The following ADGRL2 variants were observed in gnomAD, a reference collection of about 807,000 sequenced individuals.
The protein encoded by ADGRL2 is adhesion G protein-coupled receptor L2, also known as calcium-independent alpha-latrotoxin receptor 2.
In ADGRL2, 44 loss-of-function variants were observed where a neutral mutation model predicts 157.4. The observed-to-expected ratio is 0.28, with a 90% confidence interval of 0.22 to 0.36. ADGRL2 has a LOEUF of 0.36. Ranked by LOEUF, ADGRL2 falls within the 10% of genes least tolerant of loss-of-function variation. The pLI is 1.00. For synonymous variants in ADGRL2, 585 were observed against 624.7 expected, an observed-to-expected ratio of 0.94 and a Z score of 0.95; for missense variants, 1,510 against 1,768.9, an observed-to-expected ratio of 0.85 and a Z score of 2.63.
At chr1:81,787,476 G>T (rs9726327) in intron 2 of ADGRL2, among the ~76,000 whole-genome samples, 5,655 of 151,952 alleles carry the variant, frequency 0.037, 361 homozygotes, top group African/African-American at 0.13. Context: ...ACAGCATGGT[G>T]AAACCCTATC....
At chr1:81,634,571 G>A (rs2082079975) in intron 3 of ADGRL2, among the ~76,000 whole-genome samples, 1 of 148,080 alleles carries the variant, frequency 6.8e-6, no homozygotes, top group East Asian at 2.0e-4. Flanking sequence ...GTCTCGCTCT[G>A]TCACCCAGGC....
chr1:81,429,574 C>T (rs1164176159), intron 1 of ADGRL2, among the ~76,000 whole-genome samples: 2 of 152,224 alleles, frequency 1.3e-5, no homozygotes, highest in Non-Finnish European at 2.9e-5. Flanking sequence ...AAAGAATGCT[C>T]AAACCAAATG....
chr1:81,366,295 G>GA (rs35283896), intron 1 of ADGRL2, among the ~76,000 whole-genome samples: 64 of 147,066 alleles, frequency 4.4e-4, no homozygotes, highest in African/African-American at 8.6e-4. Flanking sequence ...TTTGGCTCCA[G>GA]AAAAAAAAAA....
At chr1:81,718,303 C>A (rs57498461) in intron 1 of ADGRL2, among the ~76,000 whole-genome samples, 15,991 of 152,188 alleles carry the variant, frequency 0.11, 963 homozygotes, top group African/African-American at 0.15. Context: ...CAGGCGTGAG[C>A]CACCGCATTT....
chr1:81,455,227 T>G (rs1427033276), intron 2 of ADGRL2, among the ~76,000 whole-genome samples: 1 of 152,204 alleles, frequency 6.6e-6, no homozygotes, highest in Non-Finnish European at 1.5e-5. Flanking sequence ...AAGCACAAAT[T>G]GGTATAACCT....
chr1:81,529,210 A>G (rs1268983864), intron 2 of ADGRL2, among the ~76,000 whole-genome samples: 1 of 152,196 alleles, frequency 6.6e-6, no homozygotes, highest in Admixed American at 6.6e-5. Flanking sequence ...TGACCCCACA[A>G]GGGGAGGTGC....
chr1:81,678,583 G>C (rs2083043629), intron 3 of ADGRL2, among the ~76,000 whole-genome samples: 1 of 152,196 alleles, frequency 6.6e-6, no homozygotes, highest in Non-Finnish European at 1.5e-5. Context: ...ACACATTTCA[G>C]ATTGTCCATT....
Position 81,675,570 on chromosome 1 carries a change from C to T in ADGRL2, c.-142-86241C>T, listed in dbSNP as rs570975795. On this transcript the variant is annotated intron_variant, in intron 3 of 24. Transcript: ENST00000370721. ...TTTGTCCAGGCATTGGAAAAATAAA[C>T]TGTTTTTTTTTTTTTTTCTTATTTT... Among the ~76,000 whole-genome samples, 94 of 119,724 alleles carry T rather than the reference C, an allele frequency of 7.9e-4. No individual in the cohort carries two copies. The East Asian group carries it at 0.018, about 23-fold the overall frequency. 78.5% of individuals were successfully genotyped at this position (119,724 alleles called of 152,430 possible).
intron 1 of ADGRL2, among the ~76,000 whole-genome samples, chr1:81,416,386 C>T (rs960245893): frequency 2.0e-5 from 3 of 151,738 alleles, no homozygotes; most frequent in Non-Finnish European, 4.4e-5. Flanking sequence ...ATCTCTACCT[C>T]TTACATTAAC....
intron 2 of ADGRL2, among the ~76,000 whole-genome samples, chr1:81,570,503 C>T (rs1484263751): frequency 6.6e-6 from 1 of 152,096 alleles, no homozygotes; most frequent in Non-Finnish European, 1.5e-5. Flanking sequence ...ATTCTTGTGC[C>T]TCAGCCTCCC....
At chr1:81,384,756 A>G (rs2101072599) in intron 1 of ADGRL2, among the ~76,000 whole-genome samples, 1 of 152,272 alleles carries the variant, frequency 6.6e-6, no homozygotes, top group South Asian at 2.1e-4. Context: ...CGTATCCACA[A>G]TTACTAATAT....
At chr1:81,433,801 C>T (rs2077363779) in intron 1 of ADGRL2, among the ~76,000 whole-genome samples, 1 of 152,190 alleles carries the variant, frequency 6.6e-6, no homozygotes, top group Admixed American at 6.5e-5. Context: ...GGGTTGTCCT[C>T]ACTCAGGGTT....
chr1:81,400,703 C>A (rs2076737587), intron 1 of ADGRL2, among the ~76,000 whole-genome samples: 1 of 152,074 alleles, frequency 6.6e-6, no homozygotes, highest in Admixed American at 6.5e-5. Context: ...GCAAGTACCC[C>A]AGAATGGCTG....
intron 2 of ADGRL2, among the ~76,000 whole-genome samples, chr1:81,472,410 A>G (rs1571068263): frequency 6.6e-6 from 1 of 152,214 alleles, no homozygotes; most frequent in Non-Finnish European, 1.5e-5. Context: ...AGGCAGGCGG[A>G]TTGCCTGAGC....
chr1:81,479,376 G>A lies in ADGRL2; in HGVS notation c.-248+34287G>A, dbSNP rs184833173. Among the ~76,000 whole-genome samples, 381 of 151,874 alleles carry A rather than the reference G, an allele frequency of 2.5e-3. 7 individuals carry two copies. Among genetic ancestry groups the A allele is most frequent in the African/African-American group, 8.6e-3 (356 of 41,400 alleles). Reference sequence around the variant, plus strand: ...CGGGCACCTGTAATCCCAGCTGCTCGGGAGGCTGAGGCAGGAGAATCACTT... The same window carrying A: ...CGGGCACCTGTAATCCCAGCTGCTCAGGAGGCTGAGGCAGGAGAATCACTT... On this transcript the variant is annotated intron_variant, in intron 2 of 24. Transcript: ENST00000370721.
intron 3 of ADGRL2, among the ~76,000 whole-genome samples, chr1:81,606,457 C>G (rs976753383): frequency 6.6e-6 from 1 of 151,472 alleles, no homozygotes; most frequent in Non-Finnish European, 1.5e-5. Flanking sequence ...AGTAGACTAC[C>G]AACAAATGAC....
At chr1:81,716,274 T>C (rs961231227) in intron 1 of ADGRL2, among the ~76,000 whole-genome samples, 2 of 152,166 alleles carry the variant, frequency 1.3e-5, no homozygotes, top group Non-Finnish European at 2.9e-5. Context: ...AGTTCTGCTA[T>C]AGACTTTGCA....
intron 11 of ADGRL2, among the ~76,000 whole-genome samples, chr1:81,963,376 T>G (rs1240701704): frequency 6.6e-6 from 1 of 152,036 alleles, no homozygotes; most frequent in Non-Finnish European, 1.5e-5. Flanking sequence ...TTATACCTTT[T>G]ATTTGCTTTT....
chr1:81,734,771 C>T (rs1370003190), intron 1 of ADGRL2, among the ~76,000 whole-genome samples: 3 of 149,428 alleles, frequency 2.0e-5, no homozygotes, highest in South Asian at 2.2e-4. Flanking sequence ...TGGTGGCTCA[C>T]ACCTGTAATC....
Sources: gnomAD v4.1 joint callset for allele counts (sites outside exome capture counted in the v4.1 genomes callset) on GRCh38, gnomAD v4.1.1 for gene constraint, MANE v1.5 for transcripts, NCBI Gene and HGNC (gene_info 2026-07-23, HGNC 2026-07-21) for gene names.